PTPRD: variants seen among roughly 807,000 people sequenced by gnomAD.
PTPRD encodes the protein protein tyrosine phosphatase receptor type D.
PTPRD carries 34 observed loss-of-function variants against 214.5 expected under a neutral mutation model. That is an observed-to-expected ratio of 0.16 (90% CI 0.12 to 0.21). PTPRD has a LOEUF of 0.21. PTPRD is among the 10% of genes least tolerant of loss of function. The pLI is 1.00. For synonymous variants in PTPRD, 1,128 were observed against 845.7 expected (o/e 1.33, Z -5.79); for missense variants, 2,545 against 2,398.7 (o/e 1.06, Z -1.27).
chr9:10,089,475 T>C (rs918932456), intron 3 of PTPRD, among the ~76,000 whole-genome samples: 12 of 151,570 alleles, frequency 7.9e-5, no homozygotes, highest in African/African-American at 2.9e-4. Flanking sequence ...AGTAATACCA[T>C]AAAATGTAAT....
chr9:8,826,011 G>A (rs1166212144), intron 11 of PTPRD, among the ~76,000 whole-genome samples: 1 of 152,098 alleles, frequency 6.6e-6, no homozygotes, highest in East Asian at 1.9e-4. Flanking sequence ...AGAATGCCTT[G>A]TCTGGGAAGG....
At chr9:10,082,471 C>T (rs1329820211) in intron 3 of PTPRD, among the ~76,000 whole-genome samples, 1 of 151,836 alleles carries the variant, frequency 6.6e-6, no homozygotes. Flanking sequence ...TATATGGCTA[C>T]AGGATTTGAC....
At chr9:8,633,658 A>C (rs562458086) in intron 13 of PTPRD, among the ~76,000 whole-genome samples, 200 bp from the exon 14 acceptor site, 2 of 152,244 alleles carry the variant, frequency 1.3e-5, no homozygotes, top group East Asian at 3.9e-4. Context: ...AAGATATGCA[A>C]CTACATATGC....
chr9:9,740,981 T>C (rs182157370), intron 6 of PTPRD, among the ~76,000 whole-genome samples: 19 of 152,252 alleles, frequency 1.2e-4, no homozygotes, highest in African/African-American at 4.6e-4. Flanking sequence ...CATTGGAAAC[T>C]AGAATTTCAG....
intron 3 of PTPRD, among the ~76,000 whole-genome samples, chr9:10,129,634 C>A (rs1191761323): frequency 2.0e-5 from 3 of 151,796 alleles, no homozygotes; most frequent in African/African-American, 7.3e-5. Context: ...ACCTCTGGCT[C>A]CAAATTCATT....
At chr9:9,771,905 T>C (rs759833916) in intron 5 of PTPRD, among the ~76,000 whole-genome samples, 8 of 152,316 alleles carry the variant, frequency 5.3e-5, no homozygotes, top group African/African-American at 1.2e-4. Flanking sequence ...TAAAAGACAG[T>C]AATGATGCCA....
In PTPRD at chr9:8,685,934, G is replaced by A. The variant is rs187315643; in HGVS notation, c.64+47846C>T. 4.8e-3 allele frequency among the ~76,000 whole-genome samples: 730 copies of A among 152,276 alleles called. 9 individuals are homozygous for A. The highest frequency in any genetic ancestry group is 0.017 in the African/African-American group (690 of 41,566). On this transcript the variant is annotated intron_variant, in intron 12 of 45. Coordinates refer to ENST00000381196, the MANE Select transcript of PTPRD (RefSeq NM_002839.4). ...CAAGCCAGATTGGACAGTTTTCTTT[G>A]AAATTCTAGTTTCAGCTGCTTTCAG... is the stretch of plus-strand genomic sequence containing the variant.
chr9:9,669,319 T>C (rs969983601), intron 7 of PTPRD, among the ~76,000 whole-genome samples: 6 of 152,160 alleles, frequency 3.9e-5, no homozygotes, highest in Admixed American at 2.6e-4. Flanking sequence ...GTATGACTGA[T>C]AGTAGCATCT....
chr9:10,327,330 C>T (rs1465913207), intron 3 of PTPRD, among the ~76,000 whole-genome samples: 2 of 151,252 alleles, frequency 1.3e-5, no homozygotes, highest in Admixed American at 6.6e-5. Context: ...CTAATAGAAA[C>T]GACCAGATCA....
At chr9:8,576,143 G>T (rs186881831) in intron 14 of PTPRD, among the ~76,000 whole-genome samples, 1 of 152,138 alleles carries the variant, frequency 6.6e-6, no homozygotes, top group East Asian at 1.9e-4. Context: ...ATTATTGAAG[G>T]CTTTTTTTTC....
intron 2 of PTPRD, among the ~76,000 whole-genome samples, chr9:10,486,080 T>C (rs2099131109): frequency 1.3e-5 from 2 of 152,090 alleles, no homozygotes; most frequent in South Asian, 4.1e-4. Flanking sequence ...TTCTGGATAT[T>C]GGACCTTTAT....
At position 10,274,549 on chromosome 9, in the gene PTPRD, G is replaced by A. The variant is rs115642649; in HGVS notation, c.-545+66414C>T. On this transcript the variant is annotated intron_variant, in intron 3 of 45. Transcript: ENST00000381196. ...AGACAAGTATGGCTTTGGCCAAAATGCAGACAATTTTAAAAAGACACCAAA... is the reference window on the plus strand; with the variant it reads ...AGACAAGTATGGCTTTGGCCAAAATACAGACAATTTTAAAAAGACACCAAA... Among the ~76,000 whole-genome samples, 355 of 152,242 alleles carry A rather than the reference G, an allele frequency of 2.3e-3. 2 individuals carry two copies. The highest frequency in any genetic ancestry group is 8.2e-3 in the African/African-American group (342 of 41,574).
chr9:9,353,307 G>A (rs1336069033), intron 9 of PTPRD, among the ~76,000 whole-genome samples: 1 of 151,872 alleles, frequency 6.6e-6, no homozygotes, highest in African/African-American at 2.4e-5. Context: ...ATTTTTAAAT[G>A]AACATAGAAT....
At chr9:10,228,846 A>G (rs1214543594) in intron 3 of PTPRD, among the ~76,000 whole-genome samples, 4 of 151,536 alleles carry the variant, frequency 2.6e-5, no homozygotes, top group African/African-American at 9.7e-5. Flanking sequence ...CTGCTTATAG[A>G]TATTTCCAAA....
At chr9:10,281,977 T>C (rs181759354) in intron 3 of PTPRD, among the ~76,000 whole-genome samples, 447 of 147,500 alleles carry the variant, frequency 3.0e-3, no homozygotes, top group Non-Finnish European at 4.4e-3. Context: ...GGGGCCTAAG[T>C]AGTTAAAATA....
chr9:8,843,026 T>C (rs901253895), intron 11 of PTPRD, among the ~76,000 whole-genome samples: 6 of 152,136 alleles, frequency 3.9e-5, no homozygotes, highest in Non-Finnish European at 8.8e-5. Flanking sequence ...ATTTAGATGT[T>C]AAATTACATA....
At chr9:8,630,335 C>T (rs2096212163) in intron 14 of PTPRD, among the ~76,000 whole-genome samples, 1 of 151,812 alleles carries the variant, frequency 6.6e-6, no homozygotes, top group Admixed American at 6.6e-5. Context: ...CCTCTTCACA[C>T]TCATTTATTT....
At chr9:9,699,175 G>A (rs1343382071) in intron 7 of PTPRD, among the ~76,000 whole-genome samples, 2 of 151,958 alleles carry the variant, frequency 1.3e-5, no homozygotes, top group Admixed American at 6.6e-5. Flanking sequence ...CAATAACATA[G>A]TTCTGGTACT....
chr9:10,528,420 C>T (rs1403606647), intron 2 of PTPRD, among the ~76,000 whole-genome samples: 1 of 152,090 alleles, frequency 6.6e-6, no homozygotes, highest in African/African-American at 2.4e-5. Context: ...ACACATAATC[C>T]ATGCTGCTAC....
Sources: allele counts gnomAD v4.1 joint callset (sites outside exome capture counted in the v4.1 genomes callset), GRCh38; gene constraint gnomAD v4.1.1; transcripts MANE v1.5; gene names NCBI Gene and HGNC (gene_info 2026-07-23, HGNC 2026-07-21).